Variants in GYS2 observed in about 807,000 individuals in gnomAD.
The protein encoded by GYS2 is glycogen [starch] synthase, liver.
Under a neutral mutation model 85.6 loss-of-function variants are expected in GYS2, and 80 were observed. The observed-to-expected ratio is 0.93, with a 90% CI of 0.78 to 1.13. The LOEUF (loss-of-function observed/expected upper bound fraction) is 1.13, where lower values mean the gene tolerates loss of function less well. Ranked by LOEUF, GYS2 falls within the 50% of genes most tolerant of loss-of-function variation. GYS2 has a pLI of 0.00. For synonymous variants in GYS2, 328 were observed against 300.7 expected, an observed-to-expected ratio of 1.09 and a Z score of -0.94; for missense variants, 881 against 854.9, an observed-to-expected ratio of 1.03 and a Z score of -0.38.
intron 1 of GYS2, among the ~76,000 whole-genome samples, chr12:21,592,959 A>G (rs1944655551): frequency 1.3e-5 from 2 of 152,112 alleles, no homozygotes; most frequent in South Asian, 4.1e-4. Context: ...GAATAAAACT[A>G]GAAATCAATA....
chr12:21,559,168 C>T lies in GYS2; in HGVS notation c.1231G>A (p.Gly411Arg), dbSNP rs1425820544. 1.3e-6 allele frequency: 2 copies of T among 1,591,146 alleles called. No individual in the cohort carries two copies. The highest frequency in any genetic ancestry group is 2.7e-5 in the African/African-American group (2 of 74,370). ...GKKLYDALLR[G>R]EIPDLNDILD... is the part of the protein sequence containing the mutation. ...ATATCGTTCAGGTCAGGAATTTCTC[C>T]TCTGCAGGGAAAAAATGTTAATAAC... The change falls in exon 10 of 16, where the codon GGA (glycine) becomes AGA (arginine). Residue 411 changes from glycine to arginine, a missense_variant and splice_region_variant. Transcript: ENST00000261195.
intron 1 of GYS2, among the ~76,000 whole-genome samples, chr12:21,586,822 G>T (rs1226993216): frequency 6.6e-6 from 1 of 152,002 alleles, no homozygotes; most frequent in African/African-American, 2.4e-5. Context: ...CCCACTACTG[G>T]GTATGGACCC....
At chr12:21,600,991 C>T (rs1944750106) in intron 1 of GYS2, among the ~76,000 whole-genome samples, 2 of 152,106 alleles carry the variant, frequency 1.3e-5, no homozygotes, top group African/African-American at 4.8e-5. Context: ...AAGAGGGAAG[C>T]ATTTATTTAG....
At chr12:21,588,718 A>G (rs1245022251) in intron 1 of GYS2, among the ~76,000 whole-genome samples, 2 of 152,260 alleles carry the variant, frequency 1.3e-5, no homozygotes, top group East Asian at 3.8e-4. Flanking sequence ...AGACTGGACA[A>G]GAACAGACAT....
chr12:21,540,791 G>GA lies in GYS2; in HGVS notation c.1646-219dup, dbSNP rs914098704. On this transcript the variant is annotated intron_variant, in intron 13 of 15. Coordinates refer to ENST00000261195, the MANE Select transcript of GYS2 (RefSeq NM_021957.4). ...CACAGCCAACGAAGTGGATCTTGCT[G>GA]AAAAAAACTCTGGCAGTCTAGGGAT... is the stretch of plus-strand genomic sequence containing the variant. 2.6e-5 allele frequency among the ~76,000 whole-genome samples: 4 copies of GA among 152,034 alleles called. No individual in the cohort carries two copies. In the South Asian group the frequency reaches 6.2e-4, roughly 24 times the overall value.
intron 7 of GYS2, among the ~76,000 whole-genome samples, chr12:21,562,401 G>A (rs917410408): frequency 2.0e-5 from 3 of 152,086 alleles, no homozygotes; most frequent in Admixed American, 6.6e-5. Context: ...TGCTTCAGTC[G>A]GGAGAGGAGA....
At chr12:21,544,734 T>C (rs530053346) in intron 12 of GYS2, among the ~76,000 whole-genome samples, 3 of 152,214 alleles carry the variant, frequency 2.0e-5, no homozygotes, top group Non-Finnish European at 2.9e-5. Flanking sequence ...GCAAGAGAGA[T>C]ACCCGGAAGA....
intron 1 of GYS2, among the ~76,000 whole-genome samples, chr12:21,596,285 G>A (rs758624932): frequency 1.3e-5 from 2 of 151,844 alleles, no homozygotes; most frequent in Non-Finnish European, 2.9e-5. Context: ...AACCAGGGAA[G>A]GACATAACCA....
chr12:21,595,305 C>T (rs1944683233), intron 1 of GYS2, among the ~76,000 whole-genome samples: 2 of 152,160 alleles, frequency 1.3e-5, no homozygotes, highest in Admixed American at 1.3e-4. Flanking sequence ...TAGATTGCTC[C>T]TGCAGGACCC....
chr12:21,572,722 A>G (rs1944400855), intron 4 of GYS2, among the ~76,000 whole-genome samples: 2 of 152,222 alleles, frequency 1.3e-5, no homozygotes, highest in African/African-American at 4.8e-5. Flanking sequence ...CAAAAGGGTA[A>G]AATTGTAATA....
Position 21,539,356 on chromosome 12 carries a change from A to G in GYS2, c.1810-18T>C. On this transcript the variant is annotated intron_variant, in intron 14 of 15. Coordinates refer to ENST00000261195, the MANE Select transcript of GYS2 (RefSeq NM_021957.4). ...TGGTAATACTATTGATAGAAAGCCA[A>G]ATCACAGGTTAATAAAAACCCTTAG... is the stretch of plus-strand genomic sequence containing the variant. The G allele has an allele frequency of 7.0e-7, 1 of 1,432,012 alleles. No homozygotes were observed. The highest frequency in any genetic ancestry group is 9.9e-7 in the Non-Finnish European group (1 of 1,014,260). The allele number at this position is 1,432,012 out of a possible 1,614,324, so 88.7% of individuals were successfully genotyped here.
intron 11 of GYS2, among the ~76,000 whole-genome samples, chr12:21,553,806 C>CAA (rs1944142096): frequency 6.6e-6 from 1 of 152,080 alleles, no homozygotes; most frequent in African/African-American, 2.4e-5. Context: ...AACACACACA[C>CAA]ACACACACAT....
At chr12:21,567,080 T>C (rs533279237) in intron 5 of GYS2, among the ~76,000 whole-genome samples, 2 of 152,188 alleles carry the variant, frequency 1.3e-5, no homozygotes, top group East Asian at 1.9e-4. Context: ...TGCTAGAGAA[T>C]ATAAAGAAAA....
chr12:21,558,988 A>G, intron 10 of GYS2, 103 bp downstream of exon 10: 1 of 676,838 alleles, frequency 1.5e-6, no homozygotes. Flanking sequence ...TTCTAGCCTC[A>G]GGTCTGAAAA....
intron 2 of GYS2, among the ~76,000 whole-genome samples, chr12:21,578,924 AT>A (rs1343121587): frequency 6.6e-6 from 1 of 152,164 alleles, no homozygotes; most frequent in Non-Finnish European, 1.5e-5. Context: ...AAACCATGTC[AT>A]TCTGCAACTA....
chr12:21,555,115 A>C (rs1188628588), intron 11 of GYS2, among the ~76,000 whole-genome samples: 1 of 152,210 alleles, frequency 6.6e-6, no homozygotes, highest in Non-Finnish European at 1.5e-5. Context: ...AAATGTTCTG[A>C]GAAAAACAGA....
chr12:21,590,180 G>T (rs1236933607), intron 1 of GYS2, among the ~76,000 whole-genome samples: 1 of 152,104 alleles, frequency 6.6e-6, no homozygotes, highest in African/African-American at 2.4e-5. Flanking sequence ...TCAAGAGCAG[G>T]GCAACAATGC....
At chr12:21,537,681 G>C (rs60901816) in intron 15 of GYS2, among the ~76,000 whole-genome samples, 1,944 of 152,300 alleles carry the variant, frequency 0.013, 41 homozygotes, top group African/African-American at 0.038. Context: ...GCCACCACTA[G>C]AAGGCATCCT....
chr12:21,561,588 G>A (rs1372812022), intron 7 of GYS2, among the ~76,000 whole-genome samples: 2 of 152,098 alleles, frequency 1.3e-5, no homozygotes, highest in Admixed American at 6.6e-5. Context: ...TAGTATAATA[G>A]TAATCAGTCT....
Sources: allele counts gnomAD v4.1 joint callset (sites outside exome capture counted in the v4.1 genomes callset), GRCh38; gene constraint gnomAD v4.1.1; transcripts MANE v1.5; gene names NCBI Gene and HGNC (gene_info 2026-07-23, HGNC 2026-07-21).